FUT8: variants seen among roughly 807,000 people sequenced by gnomAD.
FUT8 encodes fucosyltransferase 8, also known as alpha-(1,6)-fucosyltransferase.
FUT8 carries 29 observed loss-of-function variants against 71.3 expected under a neutral mutation model. The observed-to-expected ratio is 0.41, with a 90% CI of 0.30 to 0.55. The LOEUF (loss-of-function observed/expected upper bound fraction) is 0.55, where lower values mean the gene tolerates loss of function less well. Ranked by LOEUF, FUT8 falls within the 20% of genes least tolerant of loss-of-function variation. The pLI is 0.34. For synonymous variants in FUT8, 254 were observed against 239.3 expected (o/e 1.06, Z -0.57); for missense variants, 544 against 702.1 (o/e 0.77, Z 2.55).
At chr14:65,703,186 A>G (rs781019631) in intron 7 of FUT8, among the ~76,000 whole-genome samples, 13 of 152,274 alleles carry the variant, frequency 8.5e-5, no homozygotes, top group Non-Finnish European at 1.8e-4. Context: ...TGAGAAACAT[A>G]ATGTCAAGTA....
At chr14:65,464,258 G>GGT (rs1445818694) in intron 2 of FUT8, among the ~76,000 whole-genome samples, 5 of 80,968 alleles carry the variant, frequency 6.2e-5, no homozygotes, top group Non-Finnish European at 1.3e-4. Flanking sequence ...CAGTACTTTG[G>GGT]GTTTTTTTTT....
intron 3 of FUT8, among the ~76,000 whole-genome samples, chr14:65,598,874 T>A (rs1188770984): frequency 6.6e-6 from 1 of 152,170 alleles, no homozygotes; most frequent in Non-Finnish European, 1.5e-5. Context: ...CAGTGCAACC[T>A]CTGTCTCTGG....
Position 65,707,788 on chromosome 14 carries a change from G to C in FUT8, c.836-13987G>C, listed in dbSNP as rs78804204. On this transcript the variant is annotated intron_variant, in intron 7 of 10. Coordinates refer to ENST00000673929, the MANE Select transcript of FUT8 (RefSeq NM_001371533.1). ...AAAACTCAATTGACCATAAATACTT[G>C]GGTTTATTTCTGGGCTTTCAGTTCT... 1.1e-4 allele frequency among the ~76,000 whole-genome samples: 17 copies of C among 152,198 alleles called. No homozygotes were observed. The East Asian group carries it at 3.3e-3, about 29-fold the overall frequency.
At chr14:65,376,922 G>A in the FUT8 span, among the ~76,000 whole-genome samples, 1 of 152,198 alleles carries the variant, frequency 6.6e-6, no homozygotes, top group Non-Finnish European at 1.5e-5. Flanking sequence ...AAGGATGGAT[G>A]TGTCAGTTAC....
intron 6 of FUT8, among the ~76,000 whole-genome samples, chr14:65,666,062 G>C (rs759926366): frequency 6.6e-6 from 1 of 151,386 alleles, no homozygotes. Flanking sequence ...AAACCTACAC[G>C]TGTACCCTTA....
intron 7 of FUT8, among the ~76,000 whole-genome samples, chr14:65,710,519 T>C: frequency 6.6e-6 from 1 of 152,232 alleles, no homozygotes; most frequent in Non-Finnish European, 1.5e-5. Flanking sequence ...CTTCTATAAG[T>C]GTAAATATCT....
chr14:65,465,337 T>G (rs752027908), intron 2 of FUT8, among the ~76,000 whole-genome samples: 29 of 152,290 alleles, frequency 1.9e-4, no homozygotes, highest in Admixed American at 8.5e-4. Context: ...TTTATTTACT[T>G]ACTTACTTAC....
At chr14:65,422,247 A>G (rs372655023) in intron 1 of FUT8, among the ~76,000 whole-genome samples, 1 of 152,166 alleles carries the variant, frequency 6.6e-6, no homozygotes, top group Admixed American at 6.5e-5. Flanking sequence ...TTCTATGACC[A>G]AAAGACTGGG....
At chr14:65,458,216 T>G (rs1165910378) in intron 2 of FUT8, 1 of 146,644 alleles carries the variant, frequency 6.8e-6, no homozygotes, top group Non-Finnish European at 1.5e-5. Flanking sequence ...AGGTACTGAG[T>G]GTAAAACAAT....
chr14:65,680,207 G>A (rs1344781049), intron 7 of FUT8, among the ~76,000 whole-genome samples: 1 of 152,202 alleles, frequency 6.6e-6, no homozygotes, highest in Admixed American at 6.5e-5. Context: ...GAGAGCTAGA[G>A]GGCTGATGGT....
At chr14:65,461,864 A>C (rs1479176460) in intron 2 of FUT8, among the ~76,000 whole-genome samples, 2 of 152,202 alleles carry the variant, frequency 1.3e-5, no homozygotes, top group African/African-American at 4.8e-5. Context: ...GGGAAGACAT[A>C]GATTTTAACA....
At position 65,455,705 on chromosome 14, in the gene FUT8, C is replaced by T. The variant is rs1287405605; in HGVS notation, c.-241C>T. 2.5e-6 allele frequency: 1 copy of T among 398,096 alleles called. No homozygotes were observed. Among genetic ancestry groups the T allele is most frequent in the Non-Finnish European group, 4.4e-6 (1 of 225,882 alleles). 24.7% of individuals were successfully genotyped at this position (398,096 alleles called of 1,614,324 possible). On this transcript the variant is annotated 5_prime_UTR_variant, in exon 2 of 11. Transcript: ENST00000673929. ...GTGATTTTTTGCCTTTGTTGATTAACTGGACAAATTCAGGTTAGTGTATTT... is the reference window on the plus strand; with the variant it reads ...GTGATTTTTTGCCTTTGTTGATTAATTGGACAAATTCAGGTTAGTGTATTT...
At chr14:65,376,788 C>T in the FUT8 span, among the ~76,000 whole-genome samples, 1 of 152,182 alleles carries the variant, frequency 6.6e-6, no homozygotes, top group Non-Finnish European at 1.5e-5. Flanking sequence ...GAGATCTCTT[C>T]CCCTGACAAA....
intron 3 of FUT8, among the ~76,000 whole-genome samples, chr14:65,589,103 G>T (rs1887546090): frequency 6.6e-6 from 1 of 152,088 alleles, no homozygotes; most frequent in Non-Finnish European, 1.5e-5. Flanking sequence ...ACAAAAGACA[G>T]ACATTTTTAG....
intron 2 of FUT8, among the ~76,000 whole-genome samples, chr14:65,494,310 ATTT>A (rs937792483): frequency 6.6e-6 from 1 of 152,160 alleles, no homozygotes; most frequent in Non-Finnish European, 1.5e-5. Context: ...ATCCATGTGT[ATTT>A]TACACTTATA....
intron 7 of FUT8, among the ~76,000 whole-genome samples, chr14:65,678,873 C>G (rs1892896089): frequency 6.6e-6 from 1 of 152,140 alleles, no homozygotes; most frequent in Non-Finnish European, 1.5e-5. Flanking sequence ...TTTGGTATCT[C>G]TCTATTGACT....
chr14:65,494,898 T>G (rs1378292738), intron 2 of FUT8, among the ~76,000 whole-genome samples: 1 of 152,070 alleles, frequency 6.6e-6, no homozygotes, highest in Non-Finnish European at 1.5e-5. Context: ...TTTCTGCTGA[T>G]TGAGGCTTTG....
rs1159329968 is a variant in FUT8 at position 65,743,269 on chromosome 14, C to G, written c.*859C>G. On this transcript the variant is annotated 3_prime_UTR_variant, in exon 11 of 11. Transcript: ENST00000673929. ...ATTTACTTTGTTTTTTTTCCTGTTT[C>G]TGATATAGTAACTAATTCTTAACTC... The G allele has an allele frequency of 6.6e-6, 1 of 151,348 alleles. No individual in the cohort carries two copies. Among genetic ancestry groups the G allele is most frequent in the Non-Finnish European group, 1.5e-5 (1 of 67,770 alleles). The allele number at this position is 151,348 out of a possible 1,614,324, so 9.4% of individuals were successfully genotyped here. A position where few individuals can be genotyped will look rare whatever the true frequency, so the allele number is the denominator to read the frequency against.
intron 3 of FUT8, among the ~76,000 whole-genome samples, chr14:65,592,252 C>T (rs1170000798): frequency 2.0e-5 from 3 of 151,910 alleles, no homozygotes; most frequent in Non-Finnish European, 2.9e-5. Context: ...TGGTTGAGTG[C>T]GACTTGAAAT....
Sources: allele counts gnomAD v4.1 joint callset (sites outside exome capture counted in the v4.1 genomes callset), GRCh38; gene constraint gnomAD v4.1.1; transcripts MANE v1.5; gene names NCBI Gene and HGNC (gene_info 2026-07-23, HGNC 2026-07-21).